TTC6: variants seen among roughly 807,000 people sequenced by gnomAD.
The protein encoded by TTC6 is tetratricopeptide repeat domain 6.
TTC6 carries 172 observed loss-of-function variants against 210.4 expected under a neutral mutation model. That is an observed-to-expected ratio of 0.82 (90% CI 0.72 to 0.93). The LOEUF (loss-of-function observed/expected upper bound fraction) is 0.93. Ranked by LOEUF, TTC6 falls within the 40% of genes least tolerant of loss-of-function variation. The probability of loss-of-function intolerance (pLI) is 0.00; values close to 1 mark genes in which losing one functional copy is unlikely to be tolerated. For synonymous variants in TTC6, 804 were observed against 819.6 expected (o/e 0.98, Z 0.32); for missense variants, 2,414 against 2,318.1 (o/e 1.04, Z -0.85).
Position 37,682,214 on chromosome 14 carries a change from A to G in TTC6, c.1051-544A>G, listed in dbSNP as rs116669241. 4.5e-3 allele frequency among the ~76,000 whole-genome samples: 679 copies of G among 152,150 alleles called. 8 individuals are homozygous for G. The Middle Eastern group carries it at 0.068, about 15-fold the overall frequency. On this transcript the variant is annotated intron_variant, in intron 2 of 30. Transcript: ENST00000553443. ...GATGACCAGTGACAAAAATGAGGCTAAAAAAGTTTAAGTAACTTGGCTAAG... is the reference window on the plus strand; with the variant it reads ...GATGACCAGTGACAAAAATGAGGCTGAAAAAGTTTAAGTAACTTGGCTAAG...
At chr14:37,760,350 C>T (rs2095980353) in intron 14 of TTC6, among the ~76,000 whole-genome samples, 1 of 152,184 alleles carries the variant, frequency 6.6e-6, no homozygotes, top group African/African-American at 2.4e-5. Context: ...AAGCAGTTTG[C>T]TTCCTGCTCC....
chr14:37,660,779 T>C (rs527480527), intron 1 of TTC6, among the ~76,000 whole-genome samples: 90 of 152,232 alleles, frequency 5.9e-4, no homozygotes, highest in African/African-American at 2.0e-3. Context: ...TGTTCAATGG[T>C]TGAACTAATT....
At chr14:37,836,909 A>C (rs2096199185) in intron 29 of TTC6, among the ~76,000 whole-genome samples, 1 of 152,198 alleles carries the variant, frequency 6.6e-6, no homozygotes, top group South Asian at 2.1e-4. Flanking sequence ...ATAACCACTT[A>C]ATGTGATTTA....
chr14:37,821,824 A>G (rs1244240489), intron 26 of TTC6, among the ~76,000 whole-genome samples: 2 of 115,004 alleles, frequency 1.7e-5, no homozygotes, highest in East Asian at 5.2e-4. Context: ...TTTGTTGCCC[A>G]GGCTGGAGTG....
At chr14:37,728,039 C>T (rs1420333187) in intron 7 of TTC6, among the ~76,000 whole-genome samples, 1 of 152,128 alleles carries the variant, frequency 6.6e-6, no homozygotes, top group Non-Finnish European at 1.5e-5. Context: ...CACTTACTTC[C>T]TGGGTAACCT....
chr14:37,723,204 A>T (rs2095865244), intron 6 of TTC6, among the ~76,000 whole-genome samples: 1 of 152,060 alleles, frequency 6.6e-6, no homozygotes, highest in African/African-American at 2.4e-5. Flanking sequence ...TTCTAGGTTC[A>T]TCTTGCATAT....
In TTC6 at chr14:37,685,615, T is replaced by C. The variant is rs1038657372; in HGVS notation, c.1257+2651T>C. 2.0e-5 allele frequency among the ~76,000 whole-genome samples: 3 copies of C among 152,202 alleles called. No homozygotes were observed. In the East Asian group the frequency reaches 5.8e-4, roughly 29 times the overall value. On this transcript the variant is annotated intron_variant, in intron 3 of 30. Coordinates refer to ENST00000553443, the Ensembl canonical transcript of TTC6. ...AAAGGAAGCTGATAAACTTATGCTT[T>C]GTGTCTTTTAAATCTGACAGGGAGA... is the stretch of plus-strand genomic sequence containing the variant.
intron 5 of TTC6, among the ~76,000 whole-genome samples, chr14:37,711,437 G>A (rs1429707679): frequency 2.0e-5 from 3 of 152,172 alleles, no homozygotes; most frequent in Non-Finnish European, 2.9e-5. Flanking sequence ...TAAAGGTCTC[G>A]TGGAGGAATT....
intron 14 of TTC6, among the ~76,000 whole-genome samples, chr14:37,762,833 C>T (rs190355232): frequency 7.3e-5 from 11 of 151,592 alleles, no homozygotes; most frequent in African/African-American, 2.2e-4. Context: ...GGATTAATCC[C>T]GCTTGATCGT....
intron 6 of TTC6, among the ~76,000 whole-genome samples, chr14:37,719,003 A>G (rs1190628002): frequency 6.6e-6 from 1 of 152,174 alleles, no homozygotes; most frequent in African/African-American, 2.4e-5. Context: ...GAGCTCAGTA[A>G]AGTGACAAGA....
intron 21 of TTC6, 65 bp from the exon 24 acceptor site, chr14:37,806,296 T>C: frequency 7.1e-7 from 1 of 1,410,366 alleles, no homozygotes; most frequent in African/African-American, 1.4e-5. Context: ...CTGTAATTCG[T>C]TAACATTTTA....
chr14:37,706,799 C>A (rs996362390), intron 5 of TTC6, among the ~76,000 whole-genome samples: 4 of 151,840 alleles, frequency 2.6e-5, no homozygotes, highest in Admixed American at 2.6e-4. Flanking sequence ...TTATTTTTTG[C>A]TTTATTTATA....
exon 22 of TTC6, chr14:37,806,402 T>G (rs1325538042): frequency 1.0e-5 from 16 of 1,535,612 alleles, no homozygotes; most frequent in Non-Finnish European, 1.3e-5. Flanking sequence ...CAAATCCAGA[T>G]TTTGCAGAAA....
At chr14:37,842,114 A>ACTATTTT in intron 30 of TTC6, 41 bp from the exon 33 acceptor site, 1 of 1,439,952 alleles carries the variant, frequency 6.9e-7, no homozygotes. Context: ...CTATTTTTTG[A>ACTATTTT]GTGCCAACTT....
intron 1 of TTC6, among the ~76,000 whole-genome samples, chr14:37,627,902 C>T (rs1455629038): frequency 6.6e-6 from 1 of 152,158 alleles, no homozygotes; most frequent in Non-Finnish European, 1.5e-5. Context: ...CTAATTTACA[C>T]ACCCACCAAC....
At chr14:37,713,304 C>A (rs36044547) in intron 5 of TTC6, among the ~76,000 whole-genome samples, 8,704 of 152,268 alleles carry the variant, frequency 0.057, 383 homozygotes, top group Non-Finnish European at 0.089. Context: ...CAAATAATAT[C>A]TAGAACATTG....
chr14:37,767,557 T>C (rs2096003237), intron 14 of TTC6, among the ~76,000 whole-genome samples: 1 of 152,242 alleles, frequency 6.6e-6, no homozygotes, highest in Non-Finnish European at 1.5e-5. Context: ...CCGGTGATGA[T>C]GAACATTTTT....
At chr14:37,754,835 C>G (rs754308111) in intron 14 of TTC6, among the ~76,000 whole-genome samples, 2 of 152,108 alleles carry the variant, frequency 1.3e-5, no homozygotes, top group African/African-American at 2.4e-5. Flanking sequence ...GGTTCCAAGT[C>G]TTTGCTATTG....
intron 1 of TTC6, among the ~76,000 whole-genome samples, chr14:37,604,267 C>T (rs1455662430): frequency 3.9e-5 from 6 of 152,182 alleles, no homozygotes; most frequent in Non-Finnish European, 5.9e-5. Context: ...AGCTACTCTC[C>T]ACCCAGTCAG....
Sources: allele counts gnomAD v4.1 joint callset (sites outside exome capture counted in the v4.1 genomes callset), GRCh38; gene constraint gnomAD v4.1.1; transcripts MANE v1.5; gene names NCBI Gene and HGNC (gene_info 2026-07-23, HGNC 2026-07-21).